CFH: variants seen among roughly 807,000 people sequenced by gnomAD.
The protein encoded by CFH is complement factor H, also known as H factor 1 (complement).
Under a neutral mutation model 147.3 loss-of-function variants are expected in CFH, and 53 were observed. The observed-to-expected ratio is 0.36, with a 90% CI of 0.29 to 0.45. The LOEUF is 0.45. CFH is among the 20% of genes least tolerant of loss of function. CFH has a pLI of 1.00. For synonymous variants in CFH, 536 were observed against 489.4 expected (o/e 1.10, Z -1.26); for missense variants, 1,380 against 1,498.0 (o/e 0.92, Z 1.30).
In CFH at chr1:196,693,043, G is replaced by A. The variant is rs116465465; in HGVS notation, c.1336+2804G>A. Among the ~76,000 whole-genome samples the A allele has an allele frequency of 5.8e-3, 882 of 151,678 alleles. 10 individuals are homozygous for A. The highest frequency in any genetic ancestry group is 0.02 in the African/African-American group (833 of 41,352). ...AGTCAGGTTATTTAGCTACTTTACG[G>A]TTGTCATATAATTAACAAGTCTTAG... On this transcript the variant is annotated intron_variant, in intron 9 of 21. Transcript: ENST00000367429.
At chr1:196,734,264 G>T (rs181498508) in intron 15 of CFH, among the ~76,000 whole-genome samples, 3 of 152,134 alleles carry the variant, frequency 2.0e-5, no homozygotes, top group Non-Finnish European at 4.4e-5. Flanking sequence ...TCCCTTTACT[G>T]GTCTTTCATT....
At chr1:196,701,279 C>G (rs1375694424) in intron 9 of CFH, 8 of 1,613,650 alleles carry the variant, frequency 5.0e-6, no homozygotes, top group Non-Finnish European at 6.8e-6. Flanking sequence ...CTCAGCAAGC[C>G]TAACTCAGGG....
Position 196,685,158 on chromosome 1 carries a change from A to T in CFH, c.885A>T (p.Arg295Ser). Reference protein sequence around the residue: ...RTGDEITYQCRNGFYPATRGN... With the variant: ...RTGDEITYQCSNGFYPATRGN... ...GAGATGAAATCACGTACCAGTGTAG[A>T]AATGGTTTTTATCCTGCAACCCGGG... is the stretch of plus-strand genomic sequence containing the variant. The change falls in exon 7 of 22, where the codon AGA becomes AGT. Residue 295 changes from arginine (R) to serine (S), a missense_variant. Transcript: ENST00000367429. The T allele has an allele frequency of 6.2e-7, 1 of 1,613,190 alleles. No individual in the cohort carries two copies. The highest frequency in any genetic ancestry group is 8.5e-7 in the Non-Finnish European group (1 of 1,179,400).
Position 196,726,898 on chromosome 1 carries a change from A to T in CFH, c.2194A>T (p.Thr732Ser). ...SFTMIGHRSI[T>S]CIHGVWTQLP... is the part of the protein sequence containing the mutation. ...TACAATGATTGGACACAGATCAATT[A>T]CGTGTATTCATGGAGTATGGACCCA... Residue 732 changes from threonine to serine, a missense_variant, in exon 14 of 22, where the codon ACG becomes TCG. Thr to Ser is a moderately conservative substitution (Grantham distance 58). Around this residue, in one of 4 missense-constraint regions of CFH, gnomAD observed 830 missense variants for 821.4 expected, o/e 1.01. Transcript: ENST00000367429. 4.3e-6 allele frequency: 7 copies of T among 1,613,828 alleles called. No homozygotes were observed. The highest frequency in any genetic ancestry group is 1.1e-5 in the South Asian group (1 of 91,080).
chr1:196,729,191 T>C (rs549450180), intron 15 of CFH, among the ~76,000 whole-genome samples: 2 of 152,202 alleles, frequency 1.3e-5, no homozygotes, highest in Non-Finnish European at 2.9e-5. Flanking sequence ...ACAGAAAGCA[T>C]TGACAACCAA....
intron 6 of CFH, among the ~76,000 whole-genome samples, chr1:196,681,764 C>T (rs1475042406): frequency 6.6e-6 from 1 of 151,720 alleles, no homozygotes; most frequent in Non-Finnish European, 1.5e-5. Context: ...TTGAAATATA[C>T]TTTACGCTGA....
At chr1:196,686,019 G>A (rs35285703) in intron 7 of CFH, among the ~76,000 whole-genome samples, 1,743 of 152,140 alleles carry the variant, frequency 0.011, 42 homozygotes, top group African/African-American at 0.04. Context: ...GTGAAGGGGA[G>A]GCAAGCACAT....
intron 9 of CFH, among the ~76,000 whole-genome samples, chr1:196,710,226 C>CT (rs1311171033): frequency 1.3e-5 from 2 of 152,158 alleles, no homozygotes; most frequent in Non-Finnish European, 2.9e-5. Flanking sequence ...CACATAGCCC[C>CT]TTCTCAGAAC....
chr1:196,657,792 C>T (rs1666755304), intron 1 of CFH, among the ~76,000 whole-genome samples: 1 of 152,018 alleles, frequency 6.6e-6, no homozygotes, highest in Non-Finnish European at 1.5e-5. Flanking sequence ...ATAATATCTA[C>T]TGTTTTTTAT....
At chr1:196,746,896 C>G (rs1445615030) in intron 21 of CFH, among the ~76,000 whole-genome samples, 1 of 152,048 alleles carries the variant, frequency 6.6e-6, no homozygotes, top group Non-Finnish European at 1.5e-5. Context: ...ATAATACACC[C>G]CTAATTCTCA....
At chr1:196,684,973 T>C (rs1481609162) in intron 6 of CFH, 91 bp from the exon 7 acceptor site, 2 of 1,010,232 alleles carry the variant, frequency 2.0e-6, no homozygotes, top group East Asian at 5.1e-5. Context: ...TAAGGACAAA[T>C]AAATAACACC....
chr1:196,714,701 A>AGAGAGAGAGAGAGAGG lies in CFH; in HGVS notation c.1519+799_1519+800insGGAGAGAGAGAGAGAG, dbSNP rs1553278119. 5.5e-3 allele frequency among the ~76,000 whole-genome samples: 383 copies of AGAGAGAGAGAGAGAGG among 69,146 alleles called. 28 individuals are homozygous for AGAGAGAGAGAGAGAGG. The highest frequency in any genetic ancestry group is 6.6e-3 in the African/African-American group (103 of 15,526). The allele number at this position is 69,146 out of a possible 152,430, so 45.4% of individuals were successfully genotyped here. ...GAGAGAGAGAGAGAGAGAGAGAGAG[A>AGAGAGAGAGAGAGAGG]GAGAGAGAGAGAGAGAGATGGAGTC... On this transcript the variant is annotated intron_variant, in intron 10 of 21. Coordinates refer to ENST00000367429, the MANE Select transcript of CFH (RefSeq NM_000186.4).
chr1:196,670,593 C>T (rs1384025577), intron 1 of CFH, among the ~76,000 whole-genome samples: 1 of 152,154 alleles, frequency 6.6e-6, no homozygotes, highest in African/African-American at 2.4e-5. Flanking sequence ...CCTTCCCCTT[C>T]CACCATGACT....
chr1:196,670,211 C>A (rs1667230431), intron 1 of CFH, among the ~76,000 whole-genome samples: 1 of 152,110 alleles, frequency 6.6e-6, no homozygotes, highest in South Asian at 2.1e-4. Flanking sequence ...GTGGAAGGGA[C>A]TTGCCTTGTC....
intron 15 of CFH, 131 bp downstream of exon 15, chr1:196,728,653 A>G: frequency 1.2e-6 from 1 of 830,576 alleles, no homozygotes; most frequent in Non-Finnish European, 2.0e-6. Context: ...TAAACTAGAA[A>G]CTAATGAAAA....
intron 1 of CFH, among the ~76,000 whole-genome samples, chr1:196,655,532 G>C (rs1283932642): frequency 6.6e-6 from 1 of 152,204 alleles, no homozygotes; most frequent in South Asian, 2.1e-4. Context: ...ATTGGTAAAT[G>C]TTCTTCATGT....
At chr1:196,725,361 A>G (rs1455375475) in intron 12 of CFH, 64 bp downstream of exon 12, 30 of 1,538,294 alleles carry the variant, frequency 2.0e-5, no homozygotes, top group Non-Finnish European at 2.5e-5. Context: ...CTTTTTTCTT[A>G]TTAATTTTGT....
intron 14 of CFH, 41 bp downstream of exon 14, chr1:196,726,981 A>T (rs745873994): frequency 1.3e-6 from 2 of 1,562,312 alleles, no homozygotes; most frequent in Middle Eastern, 1.7e-4. Context: ...ACAAAGTTTA[A>T]TATTTTTATT....
In CFH at chr1:196,679,640, C is replaced by A; in HGVS notation, c.637C>A (p.Pro213Thr). The change falls in exon 6 of 22, where the codon CCA (proline) becomes ACA (threonine). Residue 213 changes from proline to threonine, a missense_variant. Pro to Thr is a conservative substitution (Grantham distance 38). Around this residue, in one of 4 missense-constraint regions of CFH, gnomAD observed 260 missense variants for 263.3 expected, o/e 0.99. Coordinates refer to ENST00000367429, the MANE Select transcript of CFH (RefSeq NM_000186.4). ...TTATTTAGAAATTTCATGCAAATCC[C>A]CAGATGTTATAAATGGATCTCCTAT... ...PKCVEISCKSPDVINGSPISQ... is the reference protein window; with the variant it reads ...PKCVEISCKSTDVINGSPISQ... 6.2e-7 allele frequency: 1 copy of A among 1,604,598 alleles called. No individual in the cohort carries two copies. The highest frequency in any genetic ancestry group is 8.5e-7 in the Non-Finnish European group (1 of 1,172,906).
Sources: gnomAD v4.1 joint callset for allele counts (sites outside exome capture counted in the v4.1 genomes callset) on GRCh38, gnomAD v4.1.1 for gene constraint, gnomAD v4.1.1 regional missense constraint, MANE v1.5 for transcripts, NCBI Gene and HGNC (gene_info 2026-07-23, HGNC 2026-07-21) for gene names.